Variants in ZBTB25 observed in about 807,000 individuals in gnomAD.
ZBTB25 encodes zinc finger and BTB domain-containing protein 25.
A neutral mutation model predicts 34.2 loss-of-function variants in ZBTB25; 20 were observed. That is an observed-to-expected ratio of 0.58 (90% CI 0.41 to 0.85). ZBTB25 has a LOEUF of 0.85. ZBTB25 is among the 40% of genes least tolerant of loss of function. ZBTB25 has a pLI of 0.00. For missense variants in ZBTB25, 437 were observed against 521.8 expected (o/e 0.84, Z 1.58); for synonymous variants, 175 against 186.4 (o/e 0.94, Z 0.50).
intron 2 of ZBTB25, chr14:64,472,421 T>C (rs2078682575): frequency 1.2e-5 from 2 of 167,054 alleles, no homozygotes; most frequent in African/African-American, 4.8e-5. Context: ...AACAGATAAA[T>C]GGTAAATATG....
In ZBTB25 at chr14:64,484,955, A is replaced by G. The variant is rs1483289435; in HGVS notation, c.*1968T>C. ...AGACAAAGTTCTGACCCCAAAGAAC[A>G]TACATTTGTTTTAATTACTCCCAAT... On this transcript the variant is annotated 3_prime_UTR_variant, in exon 3 of 3. Coordinates refer to ENST00000608382, the MANE Select transcript of ZBTB25 (RefSeq NM_006977.5). The G allele has an allele frequency of 1.0e-5, 10 of 968,902 alleles. No individual in the cohort carries two copies. The highest frequency in any genetic ancestry group is 1.8e-5 in the African/African-American group (1 of 56,888). 60.0% of individuals were successfully genotyped at this position (968,902 alleles called of 1,614,324 possible).
At chr14:64,505,033 C>G (rs1189652975), upstream of ZBTB25, 3 of 380,336 alleles carry the variant, frequency 7.9e-6, no homozygotes, top group Admixed American at 1.4e-4. Context: ...GAGTGCGGGG[C>G]CGGAGGGGCG....
In ZBTB25 at chr14:64,485,363, G is replaced by T; in HGVS notation, c.*1560C>A. On this transcript the variant is annotated 3_prime_UTR_variant, in exon 3 of 3. Coordinates refer to ENST00000608382, the MANE Select transcript of ZBTB25 (RefSeq NM_006977.5). The stretch of plus-strand genomic sequence containing the variant: ...GTGAAGCTTAGAATTTAACAAGAGG[G>T]CAAAAAAAGATGAGTCTGTTTTATT... 2 of 985,280 alleles carry T rather than the reference G, an allele frequency of 2.0e-6. No individual in the cohort carries two copies. The highest frequency in any genetic ancestry group is 2.4e-6 in the Non-Finnish European group (2 of 829,864). The allele number at this position is 985,280 out of a possible 1,614,324, so 61.0% of individuals were successfully genotyped here.
intron 1 of ZBTB25, among the ~76,000 whole-genome samples, chr14:64,494,540 G>A (rs1029223546): frequency 1.3e-5 from 2 of 152,184 alleles, no homozygotes; most frequent in African/African-American, 4.8e-5. Flanking sequence ...GGTTGAGGCA[G>A]AAGAATCACT....
chr14:64,498,095 C>G (rs1253879331), intron 1 of ZBTB25, among the ~76,000 whole-genome samples: 5 of 152,140 alleles, frequency 3.3e-5, no homozygotes, highest in Admixed American at 6.5e-5. Context: ...TAGCGACTAA[C>G]TTTTTAATGG....
upstream of ZBTB25, chr14:64,504,584 T>C (rs1469892761): frequency 8.5e-6 from 2 of 235,192 alleles, no homozygotes; most frequent in Non-Finnish European, 1.6e-5. Flanking sequence ...CGCAGAAACT[T>C]GTTGCAACAA....
chr14:64,461,461 C>T (rs1174228749), intron 2 of ZBTB25: 1 of 152,030 alleles, frequency 6.6e-6, no homozygotes, highest in Non-Finnish European at 1.5e-5. Context: ...AACACATCAT[C>T]TAAGATGCTT....
chr14:64,478,391 T>A lies in ZBTB25; in HGVS notation c.*8532A>T, dbSNP rs922996396. On this transcript the variant is annotated 3_prime_UTR_variant, in exon 3 of 3. Coordinates refer to ENST00000608382, the MANE Select transcript of ZBTB25 (RefSeq NM_006977.5). ...AAGAAAGTCAGTTGTTGAACCACAG[T>A]TGGAAAAGAAAGTAAATTTCAGTAG... 6.6e-6 allele frequency: 1 copy of A among 152,150 alleles called. No homozygotes were observed. The highest frequency in any genetic ancestry group is 1.5e-5 in the Non-Finnish European group (1 of 68,026). The allele number at this position is 152,150 out of a possible 1,614,324, so 9.4% of individuals were successfully genotyped here.
At chr14:64,469,816 G>A in intron 2 of ZBTB25, 1 of 638,724 alleles carries the variant, frequency 1.6e-6, no homozygotes, top group Non-Finnish European at 2.6e-6. Context: ...GCGCAGAAGT[G>A]CTAAAGATTA....
chr14:64,461,601 G>C (rs2078557064), intron 2 of ZBTB25: 2 of 147,910 alleles, frequency 1.4e-5, no homozygotes, highest in African/African-American at 5.0e-5. Flanking sequence ...TGGCAGGGGG[G>C]GTAGGGGGGT....
intron 1 of ZBTB25, among the ~76,000 whole-genome samples, chr14:64,497,098 C>A (rs985969968): frequency 2.6e-5 from 4 of 151,852 alleles, no homozygotes; most frequent in African/African-American, 9.7e-5. Context: ...GCAGATTTTG[C>A]AAATATGTTG....
At position 64,484,958 on chromosome 14, in the gene ZBTB25, C is replaced by T. The variant is rs549152784; in HGVS notation, c.*1965G>A. On this transcript the variant is annotated 3_prime_UTR_variant, in exon 3 of 3. Coordinates refer to ENST00000608382, the MANE Select transcript of ZBTB25 (RefSeq NM_006977.5). ...CAAAGTTCTGACCCCAAAGAACATA[C>T]ATTTGTTTTAATTACTCCCAATACA... The T allele has an allele frequency of 3.1e-6, 3 of 971,456 alleles. No homozygotes were observed. The South Asian group carries it at 1.4e-4, about 46-fold the overall frequency. 60.2% of individuals were successfully genotyped at this position (971,456 alleles called of 1,614,324 possible). A position where few individuals can be genotyped will look rare whatever the true frequency, so the allele number is the denominator to read the frequency against.
At position 64,486,296 on chromosome 14, in the gene ZBTB25, T is replaced by C; in HGVS notation, c.*627A>G. The C allele has an allele frequency of 1.0e-6, 1 of 982,652 alleles. No individual in the cohort carries two copies. The highest frequency in any genetic ancestry group is 1.2e-6 in the Non-Finnish European group (1 of 827,790). 60.9% of individuals were successfully genotyped at this position (982,652 alleles called of 1,614,324 possible). ...CAGCCTGGGCGACACAGAGAGACTC[T>C]GTCTCAAAAAAAAAAAGAGGTATAC... On this transcript the variant is annotated 3_prime_UTR_variant, in exon 3 of 3. Transcript: ENST00000608382.
At chr14:64,489,731 T>A (rs1405261458) in intron 2 of ZBTB25, among the ~76,000 whole-genome samples, 1 of 151,208 alleles carries the variant, frequency 6.6e-6, no homozygotes, top group Non-Finnish European at 1.5e-5. Context: ...AGACGGGGTT[T>A]CACCATATTG....
chr14:64,487,059 C>A lies in ZBTB25; in HGVS notation c.1172G>T (p.Arg391Ile). 6.2e-7 allele frequency: 1 copy of A among 1,614,184 alleles called. No homozygotes were observed. The highest frequency in any genetic ancestry group is 8.5e-7 in the Non-Finnish European group (1 of 1,180,044). Residue 391 changes from arginine to isoleucine, a missense_variant, in exon 3 of 3, where the codon AGA becomes ATA. Physicochemically the swap from Arg to Ile is moderately conservative, Grantham distance 97. Transcript: ENST00000608382. ...CCAGCTGTCACAGTATGGCTGAAAT[C>A]TCTGGGCCAATGCATTACCAAACCT... ...CQRFGNALAQRFQPYCDSWSD... is the reference protein window; with the variant it reads ...CQRFGNALAQIFQPYCDSWSD...
rs770569212 is a variant in ZBTB25 at position 64,487,523 on chromosome 14, T to G, written c.708A>C (p.Lys236Asn). The change falls in exon 3 of 3, where the codon AAA becomes AAC. Residue 236 changes from lysine to asparagine, a missense_variant. Lys to Asn is a moderately conservative substitution (Grantham distance 94, BLOSUM62 0). Coordinates refer to ENST00000608382, the MANE Select transcript of ZBTB25 (RefSeq NM_006977.5). ...CCCCACAGTAATGGCATAAGTGTATTTTGACACTGTTTTCAGTAAAAGTGG... is the reference window on the plus strand; with the variant it reads ...CCCCACAGTAATGGCATAAGTGTATGTTGACACTGTTTTCAGTAAAAGTGG... The part of the protein sequence containing the change: ...TGPTFTENSV[K>N]IHLCHYCGER... 1 of 1,612,838 alleles carries G rather than the reference T, an allele frequency of 6.2e-7. No individual in the cohort carries two copies. The highest frequency in any genetic ancestry group is 1.1e-5 in the South Asian group (1 of 91,048).
intron 2 of ZBTB25, chr14:64,472,894 A>C (rs922249086): frequency 6.0e-6 from 1 of 167,198 alleles, no homozygotes; most frequent in Middle Eastern, 3.4e-3. Context: ...ATTATTAGGA[A>C]CACCACATGA....
chr14:64,485,906 C>A lies in ZBTB25; in HGVS notation c.*1017G>T. The A allele has an allele frequency of 1.0e-6, 1 of 985,418 alleles. No individual in the cohort carries two copies. 61.0% of individuals were successfully genotyped at this position (985,418 alleles called of 1,614,324 possible). A position where few individuals can be genotyped will look rare whatever the true frequency, so the allele number is the denominator to read the frequency against. ...CCTGGGGTTTTTAGTCAATGCAGTT[C>A]TAGCTCAGTCTCTGTCTCTGCATGC... On this transcript the variant is annotated 3_prime_UTR_variant, in exon 3 of 3. Transcript: ENST00000608382.
At chr14:64,500,476 A>AAGG (rs71123853) in intron 1 of ZBTB25, among the ~76,000 whole-genome samples, 1 of 42,774 alleles carries the variant, frequency 2.3e-5, no homozygotes, top group South Asian at 1.1e-3. Flanking sequence ...AAAAAAAAAA[A>AAGG]GAGAGAGAGA....
Sources: gnomAD v4.1 joint callset for allele counts (sites outside exome capture counted in the v4.1 genomes callset) on GRCh38, gnomAD v4.1.1 for gene constraint, MANE v1.5 for transcripts, NCBI Gene and HGNC (gene_info 2026-07-23, HGNC 2026-07-21) for gene names.